The following PRDM15 variants were observed in gnomAD, a reference collection of about 807,000 sequenced individuals.
The protein encoded by PRDM15 is PR domain zinc finger protein 15.
PRDM15 carries 64 observed loss-of-function variants against 128.6 expected under a neutral mutation model. That is an observed-to-expected ratio of 0.50 (90% CI 0.41 to 0.61). The LOEUF is 0.61. Ranked by LOEUF, PRDM15 falls within the 20% of genes least tolerant of loss-of-function variation. The pLI is 0.00. For missense variants in PRDM15, 1,242 were observed against 1,569.1 expected (o/e 0.79, Z 3.52); for synonymous variants, 615 against 621.8 (o/e 0.99, Z 0.16).
chr21:41,860,158 A>T (rs1402770352), intron 2 of PRDM15, among the ~76,000 whole-genome samples, 169 bp downstream of exon 2: 1 of 152,218 alleles, frequency 6.6e-6, no homozygotes, highest in Non-Finnish European at 1.5e-5. Flanking sequence ...CCTGTAGTGT[A>T]CTGCTTATTA....
chr21:41,864,226 C>CAACT (rs1367758839), intron 1 of PRDM15, among the ~76,000 whole-genome samples: 2 of 152,196 alleles, frequency 1.3e-5, no homozygotes, highest in African/African-American at 4.8e-5. Context: ...AGTGCAGGAA[C>CAACT]AACTGGGCAT....
chr21:41,839,805 C>G lies in PRDM15; in HGVS notation c.689G>C (p.Ser230Thr), dbSNP rs749041728. 1 of 1,614,270 alleles carries G rather than the reference C, an allele frequency of 6.2e-7. No homozygotes were observed. The highest frequency in any genetic ancestry group is 1.1e-5 in the South Asian group (1 of 91,086). The change falls in exon 7 of 24, where the codon AGC becomes ACC. Residue 230 changes from serine to threonine, a missense_variant. Physicochemically the swap from Ser to Thr is moderately conservative, Grantham distance 58. Transcript: ENST00000398548. ...CTCGGGAGCTGCTGCCTCGCTTTGG[C>G]TGCCTGGAGGAAGGCTTTTGGCTTG... ...LEQAKSLPPGSQSEAAAPEKE... is the reference protein window; with the variant it reads ...LEQAKSLPPGTQSEAAAPEKE...
chr21:41,838,802 T>C (rs2062978881), intron 7 of PRDM15, among the ~76,000 whole-genome samples: 1 of 152,202 alleles, frequency 6.6e-6, no homozygotes, highest in Admixed American at 6.5e-5. Flanking sequence ...GCTCAGAATA[T>C]TCCACAATGG....
intron 13 of PRDM15, among the ~76,000 whole-genome samples, chr21:41,825,607 C>A (rs1568931703): frequency 6.6e-6 from 1 of 152,220 alleles, no homozygotes; most frequent in African/African-American, 2.4e-5. Context: ...CCCCCTGCGT[C>A]CTCATTCATT....
At position 41,859,051 on chromosome 21, in the gene PRDM15, G is replaced by A. The variant is rs1260888063; in HGVS notation, c.131+541C>T. The A allele has an allele frequency of 6.4e-7, 1 of 1,564,962 alleles. No individual in the cohort carries two copies. The highest frequency in any genetic ancestry group is 1.2e-5 in the South Asian group (1 of 85,284). ...CTCACCTGCCCTGGGCCACCAGGTG[G>A]CACAGCCTCCCCCAGGTGAGGGTGG... On this transcript the variant is annotated intron_variant, in intron 3 of 23. Transcript: ENST00000398548. The surrounding 1 kb of genome is among the most constrained non-coding windows in gnomAD (Gnocchi z 5.3).
intron 6 of PRDM15, among the ~76,000 whole-genome samples, chr21:41,844,226 TGA>T (rs1381658629): frequency 6.6e-6 from 1 of 152,084 alleles, no homozygotes; most frequent in Non-Finnish European, 1.5e-5. Flanking sequence ...GTCCCTTCTC[TGA>T]AGGCTTGTGC....
intron 11 of PRDM15, among the ~76,000 whole-genome samples, chr21:41,830,269 TAC>T (rs1194711658): frequency 2.3e-5 from 3 of 131,900 alleles, no homozygotes; most frequent in South Asian, 2.5e-4. Flanking sequence ...CCCACACAAA[TAC>T]ACACTCAACA....
intron 19 of PRDM15, chr21:41,812,037 C>A (rs1012578340): frequency 3.3e-5 from 5 of 152,164 alleles, no homozygotes; most frequent in African/African-American, 1.2e-4. Flanking sequence ...CTCACGGGAG[C>A]CAGAAGCGGA....
rs2061420605 is a variant in PRDM15, at chr21:41,801,647, G to C, written c.3019C>G (p.Pro1007Ala). Reference sequence around the variant, plus strand: ...TGAGTCGCGGCCGCAGTGGTGATGGGGGTCACGGTGATGTTGGTTAAGCCG... The same window carrying C: ...TGAGTCGCGGCCGCAGTGGTGATGGCGGTCACGGTGATGTTGGTTAAGCCG... The part of the protein sequence containing the change: ...SVGLTNITVT[P>A]ITTAAATQFT... Residue 1007 changes from proline (P) to alanine (A), a missense_variant, in exon 24 of 24, where the codon CCC (proline) becomes GCC (alanine). Pro to Ala is a conservative substitution (Grantham distance 27). Around this residue, in one of 3 missense-constraint regions of PRDM15, gnomAD observed 602 missense variants for 788.3 expected, o/e 0.76. Coordinates refer to ENST00000398548, the MANE Select transcript of PRDM15 (RefSeq NM_001040424.3). 1 of 1,614,162 alleles carries C rather than the reference G, an allele frequency of 6.2e-7. No individual in the cohort carries two copies. Among genetic ancestry groups the C allele is most frequent in the Non-Finnish European group, 8.5e-7 (1 of 1,180,026 alleles).
chr21:41,847,930 ACCT>A (rs1476800746), intron 5 of PRDM15, among the ~76,000 whole-genome samples: 15 of 152,222 alleles, frequency 9.9e-5, no homozygotes, highest in Non-Finnish European at 1.9e-4. Flanking sequence ...AACTACAGGC[ACCT>A]TTTAACAAAA....
chr21:41,860,421 A>G (rs1249951928), intron 1 of PRDM15, 49 bp from the exon 2 acceptor site: 7 of 1,554,222 alleles, frequency 4.5e-6, no homozygotes, highest in Non-Finnish European at 6.2e-6. Context: ...TTACCAAAAT[A>G]CTTTTGTTTT....
chr21:41,799,352 C>T lies in PRDM15; in HGVS notation c.*1888G>A, dbSNP rs754831606. 1 of 152,200 alleles carries T rather than the reference C, an allele frequency of 6.6e-6. No individual in the cohort carries two copies. The highest frequency in any genetic ancestry group is 1.5e-5 in the Non-Finnish European group (1 of 68,042). 9.4% of individuals were successfully genotyped at this position (152,200 alleles called of 1,614,324 possible). A position where few individuals can be genotyped will look rare whatever the true frequency, so the allele number is the denominator to read the frequency against. On this transcript the variant is annotated 3_prime_UTR_variant, in exon 24 of 24. Transcript: ENST00000398548. ...AGCACTTGTATCTGGAGAATGGAGA[C>T]AATATCACCCCAAGCCCGAATTCAT...
chr21:41,824,589 C>G (rs1003729486), intron 13 of PRDM15, among the ~76,000 whole-genome samples: 6 of 152,236 alleles, frequency 3.9e-5, no homozygotes, highest in African/African-American at 1.2e-4. Flanking sequence ...GCCGGTACCC[C>G]CCAAGGGGCA....
intron 21 of PRDM15, among the ~76,000 whole-genome samples, chr21:41,805,831 TCAC>T (rs1388902436): frequency 1.5e-5 from 2 of 134,160 alleles, no homozygotes; most frequent in East Asian, 2.5e-4. Flanking sequence ...ACCAACACCA[TCAC>T]CACCAACACA....
chr21:41,852,264 G>T (rs2063452511), intron 5 of PRDM15, among the ~76,000 whole-genome samples: 2 of 152,252 alleles, frequency 1.3e-5, no homozygotes. Flanking sequence ...AAACGGCCAA[G>T]GCCGGCATCT....
At chr21:41,814,619 T>C (rs933296489) in intron 19 of PRDM15, 2 of 139,004 alleles carry the variant, frequency 1.4e-5, no homozygotes, top group African/African-American at 5.5e-5. Flanking sequence ...CGCAGGGTGC[T>C]CTAGTGTTTT....
At position 41,854,700 on chromosome 21, in the gene PRDM15, T is replaced by C. The variant is rs1355349085; in HGVS notation, c.404A>G (p.Gln135Arg). 1.2e-6 allele frequency: 2 copies of C among 1,613,552 alleles called. No individual in the cohort carries two copies. The highest frequency in any genetic ancestry group is 3.3e-5 in the Admixed American group (2 of 60,036). ...EAEHQNLTAYQHGSDVYFTTS... is the reference protein window; with the variant it reads ...EAEHQNLTAYRHGSDVYFTTS... ...GGTGAAGTACACGTCGCTGCCGTGC[T>C]GGTAGGCCGTCAGGTTCTGGTGCTC... Residue 135 changes from glutamine to arginine, a missense_variant, in exon 5 of 24, where the codon CAG becomes CGG. Physicochemically the swap from Gln to Arg is conservative, Grantham distance 43. This residue lies in a region of PRDM15 where 612 missense variants were observed against 717.0 expected (regional missense o/e 0.85). Coordinates refer to ENST00000398548, the MANE Select transcript of PRDM15 (RefSeq NM_001040424.3). This position sits in a 1 kb window ranked among gnomAD's most constrained non-coding sequence, Gnocchi z 4.6.
intron 6 of PRDM15, among the ~76,000 whole-genome samples, chr21:41,845,705 A>T (rs1183542431): frequency 6.6e-6 from 1 of 152,152 alleles, no homozygotes; most frequent in African/African-American, 2.4e-5. Flanking sequence ...GCCTAATTGT[A>T]AGGGGAGCCC....
In PRDM15 at chr21:41,832,369, C is replaced by A. The variant is rs1002724823; in HGVS notation, c.1366+3068G>T. On this transcript the variant is annotated intron_variant, in intron 11 of 23. Transcript: ENST00000398548. This position sits in a 1 kb window ranked among gnomAD's most constrained non-coding sequence, Gnocchi z 4.2. ...TGGCATCGGATCACCACAGGCCACA[C>A]CTTTACAGCACTGTGGCATCAGATC... 1.2e-4 allele frequency among the ~76,000 whole-genome samples: 18 copies of A among 151,984 alleles called. No individual in the cohort carries two copies. Among genetic ancestry groups the A allele is most frequent in the Admixed American group, 1.2e-3 (18 of 15,272 alleles).
Sources: gnomAD v4.1 joint callset for allele counts (sites outside exome capture counted in the v4.1 genomes callset) on GRCh38, gnomAD v4.1.1 for gene constraint, gnomAD v4.1.1 regional missense constraint, Gnocchi (gnomAD v3.1) non-coding constraint, MANE v1.5 for transcripts, NCBI Gene and HGNC (gene_info 2026-07-23, HGNC 2026-07-21) for gene names.